Variants in LPIN1 observed in about 807,000 individuals in gnomAD.
The protein encoded by LPIN1 is lipin 1, also known as phosphatidate phosphatase LPIN1.
In LPIN1, 71 loss-of-function variants were observed where a neutral mutation model predicts 107.5. The observed-to-expected ratio is 0.66, with a 90% CI of 0.55 to 0.80. The LOEUF is 0.80. LPIN1 is among the 30% of genes least tolerant of loss of function. The pLI, the probability that LPIN1 is intolerant of heterozygous loss-of-function variation, is 0.00. For missense variants in LPIN1, 1,043 were observed against 1,160.6 expected (o/e 0.90, Z 1.47); for synonymous variants, 445 against 452.6 (o/e 0.98, Z 0.21).
intron 1 of LPIN1, among the ~76,000 whole-genome samples, chr2:11,740,322 A>C (rs1419170773): frequency 6.6e-6 from 1 of 152,060 alleles, no homozygotes; most frequent in Non-Finnish European, 1.5e-5. Flanking sequence ...CCAGAAACAC[A>C]CTCAAAGACA....
chr2:11,695,780 A>T (rs1024288530), intron 1 of LPIN1, among the ~76,000 whole-genome samples: 12 of 152,198 alleles, frequency 7.9e-5, no homozygotes, highest in Admixed American at 4.6e-4. Flanking sequence ...TCTCACAAGG[A>T]AACAGCTTAG....
chr2:11,801,627 G>C (rs1677754045), intron 14 of LPIN1, among the ~76,000 whole-genome samples: 1 of 152,150 alleles, frequency 6.6e-6, no homozygotes, highest in African/African-American at 2.4e-5. Flanking sequence ...AGGATGAAGA[G>C]AGGTTGGTTA....
At chr2:11,801,864 C>T (rs7605814) in intron 14 of LPIN1, among the ~76,000 whole-genome samples, 35 of 151,796 alleles carry the variant, frequency 2.3e-4, no homozygotes, top group African/African-American at 7.7e-4. Context: ...CAAATATATA[C>T]GTTTATCAGA....
Position 11,787,101 on chromosome 2 carries a change from A to G in LPIN1, c.1577A>G (p.Tyr526Cys), listed in dbSNP as rs773625268. The G allele has an allele frequency of 3.7e-6, 6 of 1,614,086 alleles. No individual in the cohort carries two copies. In the Admixed American group the frequency reaches 5.0e-5, roughly 13 times the overall value. The change falls in exon 11 of 21, where the codon TAT (tyrosine) becomes TGT (cysteine). Residue 526 changes from tyrosine (Y) to cysteine (C), a missense_variant. Coordinates refer to ENST00000674199, the MANE Select transcript of LPIN1 (RefSeq NM_001349206.2). ...KDAFLEQAVS[Y>C]QQFVDNPAII... ...GCATTCCTGGAGCAAGCTGTGTCAT[A>G]TCAACAGTTTGTGGACAACCCCGCT... is the stretch of plus-strand genomic sequence containing the variant.
intron 17 of LPIN1, among the ~76,000 whole-genome samples, chr2:11,810,218 C>T (rs549332875): frequency 5.3e-5 from 8 of 151,956 alleles, no homozygotes; most frequent in Non-Finnish European, 8.8e-5. Flanking sequence ...AGGGGCAGAT[C>T]GAGTGTGAAA....
chr2:11,724,371 G>A (rs947226577), exon 1 of LPIN1: 5 of 986,234 alleles, frequency 5.1e-6, no homozygotes, highest in Non-Finnish European at 6.0e-6. Flanking sequence ...GAGAGGGAGA[G>A]AGGATGGGAG....
intron 1 of LPIN1, among the ~76,000 whole-genome samples, chr2:11,727,935 CT>C (rs1449921197): frequency 6.6e-6 from 1 of 152,154 alleles, no homozygotes; most frequent in African/African-American, 2.4e-5. Context: ...GGAGGGCTGA[CT>C]TTTTGTATCC....
At position 11,702,552 on chromosome 2, in the gene LPIN1, C is replaced by T. The variant is rs112742952; in HGVS notation, c.82-11204C>T. On this transcript the variant is annotated intron_variant, in intron 1 of 21. Coordinates refer to the LPIN1 transcript ENST00000449576. Reference sequence around the variant, plus strand: ...AAGACACAGGTAATATGTGAGACAACGCGGATGCTTGAGAAAGGGAAACCT... The same window carrying T: ...AAGACACAGGTAATATGTGAGACAATGCGGATGCTTGAGAAAGGGAAACCT... 2.0e-3 allele frequency among the ~76,000 whole-genome samples: 306 copies of T among 152,318 alleles called. 2 individuals are homozygous for T. The highest frequency in any genetic ancestry group is 0.014 in the Admixed American group (218 of 15,296).
chr2:11,682,240 C>G (rs950848136), intron 1 of LPIN1: 1 of 152,380 alleles, frequency 6.6e-6, no homozygotes, highest in Non-Finnish European at 1.5e-5. Context: ...CACTCTGCCA[C>G]TACACATAGG....
intron 20 of LPIN1, 21 bp downstream of exon 20, chr2:11,820,535 ATG>A: frequency 6.5e-7 from 1 of 1,536,116 alleles, no homozygotes. Flanking sequence ...TACACATTTT[ATG>A]TGATTATGAT....
Position 11,738,096 on chromosome 2 carries a change from G to A in LPIN1, c.-71-3253G>A, listed in dbSNP as rs143539788. 6.3e-3 allele frequency among the ~76,000 whole-genome samples: 967 copies of A among 152,318 alleles called. 12 individuals are homozygous for A. The highest frequency in any genetic ancestry group is 0.022 in the African/African-American group (914 of 41,568). On this transcript the variant is annotated intron_variant, in intron 1 of 21. Coordinates refer to the LPIN1 transcript ENST00000396097. ...TCATGTCCTTTGTAGGGGCATGGATGAAGCTGGAAGCCATCATTCTCAGCA... is the reference window on the plus strand; with the variant it reads ...TCATGTCCTTTGTAGGGGCATGGATAAAGCTGGAAGCCATCATTCTCAGCA...
intron 1 of LPIN1, among the ~76,000 whole-genome samples, chr2:11,747,200 A>G: frequency 6.6e-6 from 1 of 152,206 alleles, no homozygotes. Flanking sequence ...GCCGGGCGGC[A>G]GGGCAGGCTG....
chr2:11,722,724 A>G (rs1326396140), upstream of LPIN1, among the ~76,000 whole-genome samples: 3 of 152,188 alleles, frequency 2.0e-5, no homozygotes, highest in African/African-American at 7.2e-5. Flanking sequence ...AATACTGTAC[A>G]CTTTTGAGGA....
At chr2:11,678,845 G>A (rs887403938) in intron 1 of LPIN1, among the ~76,000 whole-genome samples, 2 of 152,230 alleles carry the variant, frequency 1.3e-5, no homozygotes, top group Admixed American at 6.5e-5. Flanking sequence ...GAGACATCAG[G>A]CTGGTCCACA....
intron 2 of LPIN1, among the ~76,000 whole-genome samples, chr2:11,741,586 G>A (rs953056388): frequency 1.2e-4 from 19 of 152,098 alleles, no homozygotes; most frequent in Admixed American, 2.6e-4. Flanking sequence ...GCAACATGGC[G>A]AAACCCTGTC....
intron 1 of LPIN1, among the ~76,000 whole-genome samples, chr2:11,708,029 C>T (rs538018946): frequency 4.6e-5 from 7 of 152,150 alleles, no homozygotes; most frequent in East Asian, 1.9e-4. Flanking sequence ...ACATCAGATC[C>T]GCATCCGAGA....
Position 11,765,753 on chromosome 2 carries a change from G to A in LPIN1, c.192+20G>A, listed in dbSNP as rs1416549025. 6.2e-7 allele frequency: 1 copy of A among 1,601,744 alleles called. No homozygotes were observed. The highest frequency in any genetic ancestry group is 8.5e-7 in the Non-Finnish European group (1 of 1,170,710). On this transcript the variant is annotated intron_variant, in intron 2 of 20. Transcript: ENST00000674199. The surrounding 1 kb of genome is among the most constrained non-coding windows in gnomAD (Gnocchi z 4.4). ...AAAGTGGTGAGCTCTCAGGGCACGG[G>A]GACCTGGCACCGGCTCTCCTTAGAG...
At chr2:11,755,170 T>C (rs1385391660) in intron 1 of LPIN1, among the ~76,000 whole-genome samples, 1 of 152,040 alleles carries the variant, frequency 6.6e-6, no homozygotes, top group Non-Finnish European at 1.5e-5. Context: ...GGTTTCACCA[T>C]GTTAGCCAGG....
chr2:11,698,068 G>C (rs1265809158), intron 1 of LPIN1, among the ~76,000 whole-genome samples: 1 of 152,154 alleles, frequency 6.6e-6, no homozygotes, highest in Non-Finnish European at 1.5e-5. Context: ...TTTCTGTCTA[G>C]AGCCCCTCTC....
Sources: allele counts gnomAD v4.1 joint callset (sites outside exome capture counted in the v4.1 genomes callset), GRCh38; gene constraint gnomAD v4.1.1; non-coding constraint Gnocchi (gnomAD v3.1); transcripts MANE v1.5; gene names NCBI Gene and HGNC (gene_info 2026-07-23, HGNC 2026-07-21).